Variants in PAK3 observed in about 807,000 individuals in gnomAD.
PAK3 encodes the protein p21 (RAC1) activated kinase 3, also known as serine/threonine-protein kinase PAK 3.
Under a neutral mutation model 41.0 loss-of-function variants are expected in PAK3, and 4 were observed. That is an observed-to-expected ratio of 0.10 (90% CI 0.05 to 0.22). PAK3 has a LOEUF of 0.22. Ranked by LOEUF, PAK3 falls within the 10% of genes least tolerant of loss-of-function variation. PAK3 has a pLI of 1.00. For synonymous variants in PAK3, 146 were observed against 139.6 expected (o/e 1.05, Z -0.32); for missense variants, 205 against 409.9 (o/e 0.50, Z 4.32).
chrX:111,194,669 G>T (rs978017403), intron 14 of PAK3, among the ~76,000 whole-genome samples: 1 of 111,579 alleles, frequency 9.0e-6, no homozygotes, highest in Non-Finnish European at 1.9e-5. Context: ...GTGAGGTGCC[G>T]TATCTAAACC....
intron 1 of PAK3, among the ~76,000 whole-genome samples, chrX:111,025,870 T>C (rs774477262): frequency 9.6e-6 from 1 of 104,688 alleles, no homozygotes; most frequent in East Asian, 3.0e-4. Flanking sequence ...TACAGACCAA[T>C]ATCCCGAAAG....
chrX:110,985,929 T>C (rs190190125), intron 1 of PAK3, among the ~76,000 whole-genome samples: 8 of 111,430 alleles, frequency 7.2e-5, no homozygotes, highest in Admixed American at 3.8e-4. Context: ...CACCCTAGGA[T>C]TATCCCTCTA....
intron 1 of PAK3, among the ~76,000 whole-genome samples, chrX:110,979,432 G>GAGACTAC (rs1432607078): frequency 9.3e-6 from 1 of 107,719 alleles, no homozygotes; most frequent in Non-Finnish European, 1.9e-5. Context: ...CGGAGTAGCT[G>GAGACTAC]AGACTACAGG....
At chrX:111,010,630 G>T (rs1030352786) in intron 1 of PAK3, among the ~76,000 whole-genome samples, 10 of 110,709 alleles carry the variant, frequency 9.0e-5, no homozygotes, top group Non-Finnish European at 1.3e-4. Context: ...CCTTTCCCCT[G>T]ACTCTCTTGC....
At chrX:110,961,203 C>T (rs2090972204) in intron 1 of PAK3, among the ~76,000 whole-genome samples, 1 of 111,328 alleles carries the variant, frequency 9.0e-6, no homozygotes, top group African/African-American at 3.3e-5. Flanking sequence ...AATGAGCAAC[C>T]AGATTGAGAA....
Position 111,182,240 on chromosome X carries a change from T to C in PAK3, c.830+9159T>C, listed in dbSNP as rs2094469655. On this transcript the variant is annotated intron_variant, in intron 11 of 17. Coordinates refer to ENST00000372007, the MANE Select transcript of PAK3 (RefSeq NM_002578.5). Reference sequence around the variant, plus strand: ...AATGTTGGAGTGAGTAGCCGAGAGTTATCTGGCCTTTCCAGGGATTAAGCC... The same window carrying C: ...AATGTTGGAGTGAGTAGCCGAGAGTCATCTGGCCTTTCCAGGGATTAAGCC... 4.5e-5 allele frequency among the ~76,000 whole-genome samples: 5 copies of C among 110,867 alleles called. No homozygotes were observed. The Admixed American group carries it at 4.8e-4, about 11-fold the overall frequency.
At chrX:111,090,059 G>A (rs2092918263) in intron 1 of PAK3, among the ~76,000 whole-genome samples, 2 of 110,276 alleles carry the variant, frequency 1.8e-5, no homozygotes, top group Admixed American at 9.7e-5. Context: ...GGAGCCCCAC[G>A]AGAATATAGA....
At chrX:111,031,808 T>C (rs892873033) in intron 1 of PAK3, among the ~76,000 whole-genome samples, 1 of 111,966 alleles carries the variant, frequency 8.9e-6, no homozygotes, top group East Asian at 2.8e-4. Flanking sequence ...TTTACTAATA[T>C]CTAACTGAAA....
chrX:111,017,704 A>T (rs1436569741), intron 1 of PAK3, among the ~76,000 whole-genome samples: 1 of 111,942 alleles, frequency 8.9e-6, no homozygotes, highest in Non-Finnish European at 1.9e-5. Context: ...CTCTTAAAAA[A>T]TTAAAGAAAA....
chrX:111,225,087 C>A lies in PAK3; in HGVS notation c.*4640C>A, dbSNP rs761859692. 8.9e-6 allele frequency: 1 copy of A among 111,821 alleles called. No homozygotes were observed. The highest frequency in any genetic ancestry group is 1.9e-5 in the Non-Finnish European group (1 of 53,214). The allele number at this position is 111,821 out of a possible 1,213,427, so 9.2% of individuals were successfully genotyped here. A position where few individuals can be genotyped will look rare whatever the true frequency, so the allele number is the denominator to read the frequency against. ...AGTGAACTCAGCACACAATTCTGAA[C>A]GTGTATTTGCATGTGGACTGGGAAG... On this transcript the variant is annotated 3_prime_UTR_variant, in exon 18 of 18. Transcript: ENST00000372007.
chrX:111,198,096 T>C (rs1445788629), intron 16 of PAK3, among the ~76,000 whole-genome samples: 1 of 112,577 alleles, frequency 8.9e-6, no homozygotes, highest in Non-Finnish European at 1.9e-5. Context: ...TGGAGCATTT[T>C]TTCATATGCT....
chrX:111,194,096 A>G (rs2094588294), intron 13 of PAK3, among the ~76,000 whole-genome samples: 1 of 111,484 alleles, frequency 9.0e-6, no homozygotes, highest in African/African-American at 3.3e-5. Context: ...GAATAACCTC[A>G]TGCTCTCTTT....
chrX:111,004,350 C>G (rs190235162), intron 1 of PAK3, among the ~76,000 whole-genome samples: 1 of 111,784 alleles, frequency 8.9e-6, no homozygotes, highest in Non-Finnish European at 1.9e-5. Context: ...AGGAACAGGA[C>G]GAGAATCAGG....
intron 10 of PAK3, among the ~76,000 whole-genome samples, chrX:111,168,652 T>C (rs192385231): frequency 0.05 from 5,566 of 111,084 alleles, 376 homozygotes; most frequent in African/African-American, 0.17. Flanking sequence ...CAGTTTTTTT[T>C]CCCCCTGCAT....
At chrX:111,068,970 G>A (rs990780786) in intron 1 of PAK3, among the ~76,000 whole-genome samples, 9 of 111,892 alleles carry the variant, frequency 8.0e-5, no homozygotes, top group Admixed American at 4.7e-4. Context: ...TTCTGAGCCC[G>A]TATTCTCAAT....
chrX:111,114,061 A>G (rs1292025643), intron 4 of PAK3, among the ~76,000 whole-genome samples: 1 of 112,425 alleles, frequency 8.9e-6, no homozygotes, highest in Non-Finnish European at 1.9e-5. Context: ...AGTCTTTGCT[A>G]TTATGAATAG....
chrX:110,945,068 G>A (rs776743106), intron 1 of PAK3, among the ~76,000 whole-genome samples: 1 of 112,301 alleles, frequency 8.9e-6, no homozygotes, highest in South Asian at 3.8e-4. Context: ...GCTGCGGTCC[G>A]CCGGCAATGT....
At chrX:110,998,636 G>T (rs1369352489) in intron 1 of PAK3, among the ~76,000 whole-genome samples, 1 of 111,815 alleles carries the variant, frequency 8.9e-6, no homozygotes, top group East Asian at 2.8e-4. Context: ...AACTTTTTTA[G>T]GTAGGAGAAA....
At chrX:111,135,690 C>T (rs578222647) in intron 5 of PAK3, among the ~76,000 whole-genome samples, 16 of 111,348 alleles carry the variant, frequency 1.4e-4, no homozygotes, top group South Asian at 1.1e-3. Flanking sequence ...ACTGAGAGGT[C>T]CACACTTGTA....
Sources: allele counts gnomAD v4.1 joint callset (sites outside exome capture counted in the v4.1 genomes callset), GRCh38; gene constraint gnomAD v4.1.1; transcripts MANE v1.5; gene names NCBI Gene and HGNC (gene_info 2026-07-23, HGNC 2026-07-21).